The following TMEM229B variants were observed in gnomAD, a reference collection of about 807,000 sequenced individuals.
The protein encoded by TMEM229B is chromosome 14 open reading frame 83.
In TMEM229B, 6 loss-of-function variants were observed where a neutral mutation model predicts 13.7. The observed-to-expected ratio is 0.44, with a 90% CI of 0.24 to 0.86. TMEM229B has a LOEUF of 0.86. TMEM229B is among the 40% of genes least tolerant of loss of function. The probability of loss-of-function intolerance (pLI) is 0.23; values close to 1 mark genes in which losing one functional copy is unlikely to be tolerated. For missense variants in TMEM229B, 170 were observed against 236.0 expected, an observed-to-expected ratio of 0.72 and a Z score of 1.83; for synonymous variants, 107 against 102.1, an observed-to-expected ratio of 1.05 and a Z score of -0.29.
intron 1 of TMEM229B, among the ~76,000 whole-genome samples, chr14:67,501,974 C>T (rs555779713): frequency 6.6e-6 from 1 of 152,288 alleles, no homozygotes; most frequent in South Asian, 2.1e-4. Flanking sequence ...TATAGTGCTT[C>T]AGATTTCAAA....
intron 1 of TMEM229B, among the ~76,000 whole-genome samples, chr14:67,525,539 G>A (rs2140277749): frequency 6.6e-6 from 1 of 152,286 alleles, no homozygotes; most frequent in South Asian, 2.1e-4. Flanking sequence ...CATAAATTGT[G>A]AGAAATAGTC....
At position 67,472,572 on chromosome 14, in the gene TMEM229B, G is replaced by C. The variant is rs530157682; in HGVS notation, c.*848C>G. 9 of 152,366 alleles carry C rather than the reference G, an allele frequency of 5.9e-5. No individual in the cohort carries two copies. The Admixed American group carries it at 5.9e-4, about 10-fold the overall frequency. The allele number at this position is 152,366 out of a possible 1,614,324, so 9.4% of individuals were successfully genotyped here. On this transcript the variant is annotated 3_prime_UTR_variant, in exon 3 of 3. Transcript: ENST00000554480. ...GAACTCCCCAGGCATCAGGCCAGCCGGAACAGTGGAGGGAAGGGCTGCAAG... is the reference window on the plus strand; with the variant it reads ...GAACTCCCCAGGCATCAGGCCAGCCCGAACAGTGGAGGGAAGGGCTGCAAG...
chr14:67,491,541 A>G (rs141606515), upstream of TMEM229B, among the ~76,000 whole-genome samples: 359 of 152,290 alleles, frequency 2.4e-3, 2 homozygotes, highest in African/African-American at 8.1e-3. Context: ...CCTTTCACTC[A>G]GGAAATTTCA....
chr14:67,513,943 A>T (rs1216573926), intron 1 of TMEM229B, among the ~76,000 whole-genome samples: 1 of 152,160 alleles, frequency 6.6e-6, no homozygotes, highest in African/African-American at 2.4e-5. Flanking sequence ...AGAGAGAAAG[A>T]CACTGTACCA....
chr14:67,486,290 T>C (rs2031874526), intron 2 of TMEM229B, among the ~76,000 whole-genome samples: 1 of 152,230 alleles, frequency 6.6e-6, no homozygotes, highest in Admixed American at 6.5e-5. Context: ...TTTTGTTTTG[T>C]TTTGAGACAG....
chr14:67,481,303 A>C (rs1271821331), intron 2 of TMEM229B, among the ~76,000 whole-genome samples: 1 of 152,194 alleles, frequency 6.6e-6, no homozygotes, highest in African/African-American at 2.4e-5. Flanking sequence ...AGAAAGAAAG[A>C]AAAACAAAAA....
intron 1 of TMEM229B, among the ~76,000 whole-genome samples, chr14:67,530,080 C>T (rs1318280094): frequency 1.3e-5 from 2 of 152,188 alleles, no homozygotes; most frequent in African/African-American, 4.8e-5. Flanking sequence ...CACCAGCTCT[C>T]CTAGAGTTAT....
upstream of TMEM229B, among the ~76,000 whole-genome samples, chr14:67,516,653 C>T (rs188794073): frequency 6.7e-4 from 102 of 152,334 alleles, no homozygotes; most frequent in African/African-American, 2.3e-3. Context: ...GGCCGTAGGT[C>T]TTCCATCAAC....
intron 2 of TMEM229B, among the ~76,000 whole-genome samples, chr14:67,477,181 A>T (rs1020308796): frequency 5.3e-5 from 8 of 151,684 alleles, no homozygotes; most frequent in African/African-American, 1.9e-4. Flanking sequence ...AAAAAAAAAA[A>T]ATGTTCGATA....
chr14:67,526,163 C>T (rs748610891), intron 1 of TMEM229B, among the ~76,000 whole-genome samples: 12 of 152,204 alleles, frequency 7.9e-5, no homozygotes, highest in Non-Finnish European at 1.5e-4. Flanking sequence ...TCTGGAAATG[C>T]GCACTCTCCA....
intron 1 of TMEM229B, among the ~76,000 whole-genome samples, chr14:67,523,509 G>C (rs1419800994): frequency 6.6e-6 from 1 of 152,186 alleles, no homozygotes; most frequent in Non-Finnish European, 1.5e-5. Context: ...TGGAAGATGA[G>C]AGCAATGCAA....
chr14:67,531,924 A>C (rs1482402293), intron 1 of TMEM229B, among the ~76,000 whole-genome samples: 1 of 151,394 alleles, frequency 6.6e-6, no homozygotes, highest in Admixed American at 6.6e-5. Context: ...AAAAAAAAAA[A>C]AAAAAAAGTG....
chr14:67,497,974 C>T (rs1219467684), intron 1 of TMEM229B, among the ~76,000 whole-genome samples: 2 of 152,068 alleles, frequency 1.3e-5, no homozygotes, highest in East Asian at 3.8e-4. Flanking sequence ...AAACCAATAC[C>T]TCAAGGTCTC....
At chr14:67,528,171 G>A (rs965190920) in intron 1 of TMEM229B, among the ~76,000 whole-genome samples, 2 of 152,196 alleles carry the variant, frequency 1.3e-5, no homozygotes, top group African/African-American at 4.8e-5. Flanking sequence ...GTCTTCTGCT[G>A]AGGAGATAAT....
Position 67,472,385 on chromosome 14 carries a change from T to C in TMEM229B, c.*1035A>G, listed in dbSNP as rs1407178950. 1 of 152,288 alleles carries C rather than the reference T, an allele frequency of 6.6e-6. No individual in the cohort carries two copies. Among genetic ancestry groups the C allele is most frequent in the Non-Finnish European group, 1.5e-5 (1 of 68,110 alleles). The allele number at this position is 152,288 out of a possible 1,614,324, so 9.4% of individuals were successfully genotyped here. On this transcript the variant is annotated 3_prime_UTR_variant, in exon 3 of 3. Transcript: ENST00000554480. Reference sequence around the variant, plus strand: ...GAATAGATGACCTAGAACTCTGGCTTTTCCCCACCAAACTGACTTGCCTCT... The same window carrying C: ...GAATAGATGACCTAGAACTCTGGCTCTTCCCCACCAAACTGACTTGCCTCT...
chr14:67,509,108 T>C (rs946243107), intron 1 of TMEM229B, among the ~76,000 whole-genome samples: 3 of 152,052 alleles, frequency 2.0e-5, no homozygotes, highest in Non-Finnish European at 4.4e-5. Context: ...GAGGAAAATT[T>C]TGGTTTCAAA....
At chr14:67,507,716 T>A (rs1436796330) in intron 1 of TMEM229B, among the ~76,000 whole-genome samples, 1 of 152,200 alleles carries the variant, frequency 6.6e-6, no homozygotes, top group African/African-American at 2.4e-5. Context: ...ATTACAGGTG[T>A]GAGCCACCCT....
At chr14:67,500,215 C>A (rs2032548686) in intron 1 of TMEM229B, among the ~76,000 whole-genome samples, 2 of 152,026 alleles carry the variant, frequency 1.3e-5, no homozygotes, top group Admixed American at 1.3e-4. Context: ...GTGGCTTATA[C>A]CTGTAATCCC....
chr14:67,487,889 G>A (rs2031969021), intron 1 of TMEM229B, among the ~76,000 whole-genome samples: 1 of 152,134 alleles, frequency 6.6e-6, no homozygotes, highest in African/African-American at 2.4e-5. Flanking sequence ...CTCCCAAAGT[G>A]CTAGGATTAT....
Sources: allele counts gnomAD v4.1 joint callset (sites outside exome capture counted in the v4.1 genomes callset), GRCh38; gene constraint gnomAD v4.1.1; transcripts MANE v1.5; gene names NCBI Gene and HGNC (gene_info 2026-07-23, HGNC 2026-07-21).